FHIP2A: variants seen among roughly 807,000 people sequenced by gnomAD.
FHIP2A encodes FHF complex subunit HOOK interacting protein 2A, also known as family with sequence similarity 160 member B1.
FHIP2A carries 46 observed loss-of-function variants against 93.5 expected under a neutral mutation model. That is an observed-to-expected ratio of 0.49 (90% CI 0.39 to 0.63). The LOEUF (loss-of-function observed/expected upper bound fraction) is 0.63, where lower values mean the gene tolerates loss of function less well. FHIP2A is among the 20% of genes least tolerant of loss of function. The probability of loss-of-function intolerance (pLI) is 0.00; values close to 1 mark genes in which losing one functional copy is unlikely to be tolerated. For missense variants in FHIP2A, 769 were observed against 909.7 expected (o/e 0.85, Z 1.99); for synonymous variants, 332 against 326.5 (o/e 1.02, Z -0.18).
chr10:114,897,910 A>G (rs920970369), intron 16 of FHIP2A, among the ~76,000 whole-genome samples: 1 of 152,226 alleles, frequency 6.6e-6, no homozygotes, highest in African/African-American at 2.4e-5. Context: ...TCTCAAAAAC[A>G]AACAAAAATT....
chr10:114,845,028 C>T (rs1309863676), intron 7 of FHIP2A, among the ~76,000 whole-genome samples: 1 of 150,970 alleles, frequency 6.6e-6, no homozygotes, highest in African/African-American at 2.4e-5. Flanking sequence ...GTCTCGAACT[C>T]CTGACCTCAA....
At position 114,843,109 on chromosome 10, in the gene FHIP2A, T is replaced by A; in HGVS notation, c.699T>A (p.Asp233Glu). Residue 233 changes from aspartate to glutamate, a missense_variant, in exon 6 of 17, where the codon GAT becomes GAA. By Grantham distance (45) the Asp-to-Glu change is conservative. Transcript: ENST00000369248. ...ELEDEPPHQM[D>E]HLSTSLDNLS... ...AAGATGAGCCTCCTCATCAGATGGA[T>A]CACCTGTCCACAAGCTTGGATAACC... 6.2e-7 allele frequency: 1 copy of A among 1,614,016 alleles called. No individual in the cohort carries two copies.
chr10:114,874,917 G>T (rs1243874679), intron 16 of FHIP2A, among the ~76,000 whole-genome samples: 1 of 152,190 alleles, frequency 6.6e-6, no homozygotes, highest in African/African-American at 2.4e-5. Context: ...GACAGAAGCG[G>T]TTAGCTTAAA....
At chr10:114,827,683 G>T (rs1375529949) in intron 1 of FHIP2A, among the ~76,000 whole-genome samples, 1 of 151,590 alleles carries the variant, frequency 6.6e-6, no homozygotes, top group African/African-American at 2.4e-5. Context: ...TGTAGTCCCA[G>T]CTACTCGGGA....
intron 1 of FHIP2A, among the ~76,000 whole-genome samples, chr10:114,830,407 G>A (rs551836868): frequency 1.3e-5 from 2 of 151,784 alleles, no homozygotes; most frequent in South Asian, 4.2e-4. Context: ...CCAGAAGCTG[G>A]GACTACAGGC....
intron 5 of FHIP2A, among the ~76,000 whole-genome samples, chr10:114,841,292 G>GTT (rs397845509): frequency 0.26 from 32,368 of 124,856 alleles, 4,885 homozygotes; most frequent in South Asian, 0.33. Context: ...TATGCCATTG[G>GTT]TTTTTTTTTT....
At chr10:114,830,418 G>A (rs1216259100) in intron 1 of FHIP2A, among the ~76,000 whole-genome samples, 3 of 151,672 alleles carry the variant, frequency 2.0e-5, no homozygotes, top group East Asian at 1.9e-4. Context: ...GACTACAGGC[G>A]CACGGCACCA....
chr10:114,845,409 A>T lies in FHIP2A; in HGVS notation c.1056A>T (p.Pro352=), dbSNP rs756528155. 8 of 1,613,554 alleles carry T rather than the reference A, an allele frequency of 5.0e-6. No individual in the cohort carries two copies. In the South Asian group the frequency reaches 8.8e-5, roughly 18 times the overall value. Residue 352 remains proline (P), a synonymous_variant, in exon 8 of 17, where the codon CCA becomes CCT. Coordinates refer to ENST00000369248, the MANE Select transcript of FHIP2A (RefSeq NM_020940.4). The part of the protein sequence containing the change: ...YSHKEDASAF[P]GKRALISFLS... Reference sequence around the variant, plus strand: ...ATAAAGAAGATGCTTCAGCATTTCCAGGAAAACGAGCCTTAATTTCATTTC... The same window carrying T: ...ATAAAGAAGATGCTTCAGCATTTCCTGGAAAACGAGCCTTAATTTCATTTC...
chr10:114,894,296 C>T (rs1214326999), intron 16 of FHIP2A, among the ~76,000 whole-genome samples: 3 of 151,412 alleles, frequency 2.0e-5, no homozygotes, highest in African/African-American at 7.3e-5. Context: ...TGGTGGCTCA[C>T]GCCTGTAATC....
intron 5 of FHIP2A, 78 bp downstream of exon 5, chr10:114,836,324 T>C (rs2083636911): frequency 8.6e-7 from 1 of 1,158,402 alleles, no homozygotes; most frequent in Admixed American, 2.1e-5. Flanking sequence ...GTGAATAATA[T>C]TAGAAGGAGC....
Position 114,848,640 on chromosome 10 carries a change from A to T in FHIP2A, c.1713-7A>T. On this transcript the variant is annotated splice_region_variant and splice_polypyrimidine_tract_variant and intron_variant, in intron 12 of 16. Transcript: ENST00000369248. ...ATCTTGCATAATTGTGGCCGTTTTC[A>T]TTTAAGTTTTCTCTGTCTGGTACCG... is the stretch of plus-strand genomic sequence containing the variant. 1.3e-6 allele frequency: 2 copies of T among 1,588,486 alleles called. No individual in the cohort carries two copies. Among genetic ancestry groups the T allele is most frequent in the Non-Finnish European group, 1.7e-6 (2 of 1,161,804 alleles).
chr10:114,853,023 A>C (rs60600187), intron 13 of FHIP2A, among the ~76,000 whole-genome samples: 7,689 of 152,120 alleles, frequency 0.051, 344 homozygotes, highest in Admixed American at 0.12. Context: ...CTCCCTTCCC[A>C]ACAGTAAAGG....
At chr10:114,869,653 C>T (rs932580112), downstream of FHIP2A, among the ~76,000 whole-genome samples, 4 of 152,230 alleles carry the variant, frequency 2.6e-5, no homozygotes, top group East Asian at 3.9e-4. Context: ...ATAAAATGAT[C>T]CAATGTCATG....
At position 114,843,059 on chromosome 10, in the gene FHIP2A, A is replaced by G. The variant is rs763934941; in HGVS notation, c.649A>G (p.Thr217Ala). ...SRQPEELSGA[T>A]GMEQTELEDE... ...TCAACCAGAGGAACTATCTGGTGCT[A>G]CTGGAATGGAGCAAACAGAATTGGA... Residue 217 changes from threonine (T) to alanine (A), a missense_variant, in exon 6 of 17, where the codon ACT (threonine) becomes GCT (alanine). Physicochemically the swap from Thr to Ala is moderately conservative, Grantham distance 58. Coordinates refer to ENST00000369248, the MANE Select transcript of FHIP2A (RefSeq NM_020940.4). 2 of 1,614,076 alleles carry G rather than the reference A, an allele frequency of 1.2e-6. No individual in the cohort carries two copies. The highest frequency in any genetic ancestry group is 2.2e-5 in the South Asian group (2 of 91,088).
At chr10:114,836,530 G>T (rs2083637901) in intron 5 of FHIP2A, among the ~76,000 whole-genome samples, 1 of 152,202 alleles carries the variant, frequency 6.6e-6, no homozygotes, top group Non-Finnish European at 1.5e-5. Context: ...AGATAGACAA[G>T]TCACAGAAGT....
At position 114,833,231 on chromosome 10, in the gene FHIP2A, A is replaced by G; in HGVS notation, c.125-2A>G. On this transcript the variant is annotated splice_acceptor_variant, in intron 2 of 16. Transcript: ENST00000369248. LOFTEE classifies it high-confidence loss of function. ...ATTTGATGAATGTTTTTTATTGTTT[A>G]GATGATAAAGCCCCAGTGACCGATA... The G allele has an allele frequency of 6.3e-7, 1 of 1,597,388 alleles. No individual in the cohort carries two copies. Among genetic ancestry groups the G allele is most frequent in the Non-Finnish European group, 8.5e-7 (1 of 1,172,368 alleles).
intron 5 of FHIP2A, among the ~76,000 whole-genome samples, chr10:114,836,858 A>G (rs763036411): frequency 5.9e-5 from 9 of 151,844 alleles, no homozygotes; most frequent in Non-Finnish European, 1.3e-4. Flanking sequence ...ATTTTAGAAA[A>G]AATGATTATG....
chr10:114,856,348 G>A (rs2083766781), intron 14 of FHIP2A, among the ~76,000 whole-genome samples: 1 of 151,896 alleles, frequency 6.6e-6, no homozygotes, highest in African/African-American at 2.4e-5. Flanking sequence ...GTGTTGCTTG[G>A]TTGGTCGTTT....
chr10:114,882,260 C>T (rs1441853143), intron 16 of FHIP2A, among the ~76,000 whole-genome samples: 1 of 152,170 alleles, frequency 6.6e-6, no homozygotes, highest in East Asian at 1.9e-4. Context: ...GCAGTCTGTC[C>T]CCAGACGTTT....
Sources: gnomAD v4.1 joint callset for allele counts (sites outside exome capture counted in the v4.1 genomes callset) on GRCh38, gnomAD v4.1.1 for gene constraint, MANE v1.5 for transcripts, NCBI Gene and HGNC (gene_info 2026-07-23, HGNC 2026-07-21) for gene names.